Variants in UTRN observed in about 807,000 individuals in gnomAD.
The protein encoded by UTRN is utrophin.
In UTRN, 283 loss-of-function variants were observed where a neutral mutation model predicts 463.9. The ratio of observed to expected loss-of-function variants is 0.61; its 90% CI spans 0.55 to 0.67. The LOEUF (loss-of-function observed/expected upper bound fraction) is 0.67, where lower values mean the gene tolerates loss of function less well. Ranked by LOEUF, UTRN falls within the 30% of genes least tolerant of loss-of-function variation. The pLI, the probability that UTRN is intolerant of heterozygous loss-of-function variation, is 0.00. For missense variants in UTRN, 3,922 were observed against 4,084.3 expected, an observed-to-expected ratio of 0.96 and a Z score of 1.08; for synonymous variants, 1,442 against 1,431.5, an observed-to-expected ratio of 1.01 and a Z score of -0.17.
chr6:144,822,499 A>G (rs575729578), intron 66 of UTRN, among the ~76,000 whole-genome samples: 5 of 152,228 alleles, frequency 3.3e-5, no homozygotes, highest in Non-Finnish European at 4.4e-5. Context: ...TATTCTTTCC[A>G]CTTGATATCA....
intron 50 of UTRN, among the ~76,000 whole-genome samples, chr6:144,565,173 G>T (rs1258197763): frequency 6.6e-6 from 1 of 152,202 alleles, no homozygotes; most frequent in East Asian, 1.9e-4. Flanking sequence ...TGCCTTAAGG[G>T]CTTGGAAACA....
intron 54 of UTRN, among the ~76,000 whole-genome samples, chr6:144,741,137 C>T (rs1790024194): frequency 1.3e-5 from 2 of 152,112 alleles, no homozygotes; most frequent in South Asian, 4.1e-4. Flanking sequence ...AAGTATAATC[C>T]TAGCAAAGGC....
At chr6:144,462,034 C>T (rs1789471694) in intron 22 of UTRN, among the ~76,000 whole-genome samples, 2 of 152,116 alleles carry the variant, frequency 1.3e-5, no homozygotes, top group Non-Finnish European at 1.5e-5. Context: ...TCCATTAGCT[C>T]TTCTTCCTGA....
intron 50 of UTRN, among the ~76,000 whole-genome samples, chr6:144,570,522 T>G (rs1334264024): frequency 6.6e-6 from 1 of 152,158 alleles, no homozygotes; most frequent in Non-Finnish European, 1.5e-5. Flanking sequence ...AAAATCCATA[T>G]TTTTTTACTT....
At chr6:144,453,530 G>A (rs1788534076) in intron 18 of UTRN, among the ~76,000 whole-genome samples, 1 of 152,182 alleles carries the variant, frequency 6.6e-6, no homozygotes, top group African/African-American at 2.4e-5. Flanking sequence ...CTCAGGGTAT[G>A]TATGTGAATA....
chr6:144,310,549 A>T (rs1806158066), intron 2 of UTRN, among the ~76,000 whole-genome samples: 1 of 151,226 alleles, frequency 6.6e-6, no homozygotes, highest in African/African-American at 2.4e-5. Context: ...AAAAAAAAAA[A>T]AAAATGGCTG....
At chr6:144,627,020 T>C (rs2128651475) in intron 51 of UTRN, among the ~76,000 whole-genome samples, 1 of 152,334 alleles carries the variant, frequency 6.6e-6, no homozygotes, top group East Asian at 1.9e-4. Flanking sequence ...AGATTTGATA[T>C]ATACAAACAA....
intron 52 of UTRN, among the ~76,000 whole-genome samples, chr6:144,692,480 A>C (rs575727646): frequency 1.3e-5 from 2 of 152,034 alleles, no homozygotes; most frequent in Non-Finnish European, 2.9e-5. Flanking sequence ...CTGTCTTCTC[A>C]ATAGATGAAC....
chr6:144,501,345 A>G (rs1794159590), intron 34 of UTRN, among the ~76,000 whole-genome samples: 1 of 152,206 alleles, frequency 6.6e-6, no homozygotes, highest in South Asian at 2.1e-4. Flanking sequence ...ATTACTTTTT[A>G]AATTAGTAAC....
chr6:144,458,834 A>T lies in UTRN; in HGVS notation c.2349A>T (p.Val783=). 1 of 1,613,288 alleles carries T rather than the reference A, an allele frequency of 6.2e-7. No individual in the cohort carries two copies. Among genetic ancestry groups the T allele is most frequent in the African/African-American group, 1.3e-5 (1 of 75,002 alleles). Residue 783 remains valine (V), a synonymous_variant, in exon 20 of 75, where the codon GTA becomes GTT. Coordinates refer to ENST00000367545, the MANE Select transcript of UTRN (RefSeq NM_007124.3). ...AGGTTTCATCAGAATGGAAGAATGT[A>T]TCTCAACATTTGGAAGATCTAGAAA... ...LEKVSSEWKN[V]SQHLEDLERK...
At chr6:144,538,653 G>A (rs1030160808) in intron 44 of UTRN, among the ~76,000 whole-genome samples, 2 of 147,586 alleles carry the variant, frequency 1.4e-5, no homozygotes, top group Non-Finnish European at 3.0e-5. Context: ...CTGGCTGACA[G>A]AGCGAGACTC....
intron 63 of UTRN, 44 bp downstream of exon 63, chr6:144,794,035 G>C: frequency 6.3e-7 from 1 of 1,599,008 alleles, no homozygotes; most frequent in Non-Finnish European, 8.5e-7. Context: ...GTTGGCGAAG[G>C]GTTTTGAGGA....
intron 51 of UTRN, among the ~76,000 whole-genome samples, chr6:144,623,296 A>G (rs1775615986): frequency 6.6e-6 from 1 of 152,236 alleles, no homozygotes; most frequent in African/African-American, 2.4e-5. Context: ...AAGCTTGTGT[A>G]TATAAATTCA....
At chr6:144,292,348 G>T (rs1018353082) in intron 2 of UTRN, among the ~76,000 whole-genome samples, 8 of 152,144 alleles carry the variant, frequency 5.3e-5, no homozygotes, top group African/African-American at 1.9e-4. Flanking sequence ...AGGCCAACAG[G>T]TGTCCTACCT....
rs564841280 is a variant in UTRN, at chr6:144,657,648, G to A, written c.7480-20758G>A. Among the ~76,000 whole-genome samples, 150 of 152,248 alleles carry A rather than the reference G, an allele frequency of 9.9e-4. 1 individual carries two copies. The highest frequency in any genetic ancestry group is 4.4e-4 in the Non-Finnish European group (30 of 68,026). ...ACTCTAACAATAACATATCATTCTT[G>A]TCTTGTTATAAGAGCCCTTTAAACA... is the stretch of plus-strand genomic sequence containing the variant. On this transcript the variant is annotated intron_variant, in intron 51 of 74. Coordinates refer to ENST00000367545, the MANE Select transcript of UTRN (RefSeq NM_007124.3).
intron 53 of UTRN, among the ~76,000 whole-genome samples, chr6:144,728,513 C>A (rs1048582631): frequency 6.7e-6 from 1 of 150,056 alleles, no homozygotes; most frequent in African/African-American, 2.5e-5. Context: ...ACACATCCTG[C>A]GATTTCTTCA....
intron 23 of UTRN, among the ~76,000 whole-genome samples, chr6:144,464,615 C>G (rs1789746246): frequency 6.6e-6 from 1 of 152,054 alleles, no homozygotes; most frequent in African/African-American, 2.4e-5. Flanking sequence ...GTTCTCCTGC[C>G]TCAGCCTCCT....
Position 144,490,053 on chromosome 6 carries a change from T to A in UTRN, c.4135-18T>A. ...AAAAAAAAAAGGACATCCTCTCCCC[T>A]TTCCAATCTCTTTTTAGAAAATCCA... On this transcript the variant is annotated intron_variant, in intron 30 of 74. Transcript: ENST00000367545. 6.2e-7 allele frequency: 1 copy of A among 1,602,878 alleles called. No homozygotes were observed. Among genetic ancestry groups the A allele is most frequent in the African/African-American group, 1.3e-5 (1 of 74,250 alleles).
At chr6:144,748,544 A>G in intron 55 of UTRN, 30 bp downstream of exon 55, 1 of 1,593,712 alleles carries the variant, frequency 6.3e-7, no homozygotes, top group Non-Finnish European at 8.5e-7. Context: ...AAGGATTTTT[A>G]AGAAATGTTT....
Sources: allele counts gnomAD v4.1 joint callset (sites outside exome capture counted in the v4.1 genomes callset), GRCh38; gene constraint gnomAD v4.1.1; transcripts MANE v1.5; gene names NCBI Gene and HGNC (gene_info 2026-07-23, HGNC 2026-07-21).